The following DOCK9 variants were observed in gnomAD, a reference collection of about 807,000 sequenced individuals.
DOCK9 encodes the protein dedicator of cytokinesis protein 9.
Under a neutral mutation model 263.3 loss-of-function variants are expected in DOCK9, and 89 were observed. The ratio of observed to expected loss-of-function variants is 0.34; its 90% CI spans 0.28 to 0.40. The LOEUF (loss-of-function observed/expected upper bound fraction) is 0.40, where lower values mean the gene tolerates loss of function less well. Ranked by LOEUF, DOCK9 falls within the 10% of genes least tolerant of loss-of-function variation. The pLI, the probability that DOCK9 is intolerant of heterozygous loss-of-function variation, is 1.00. For synonymous variants in DOCK9, 976 were observed against 973.1 expected, an observed-to-expected ratio of 1.00 and a Z score of -0.06; for missense variants, 2,140 against 2,603.4, an observed-to-expected ratio of 0.82 and a Z score of 3.87.
intron 6 of DOCK9, among the ~76,000 whole-genome samples, chr13:98,921,305 C>T (rs2051946568): frequency 6.6e-6 from 1 of 152,170 alleles, no homozygotes; most frequent in Admixed American, 6.5e-5. Flanking sequence ...ATCCATGGGT[C>T]ATTTTTCTCA....
chr13:98,800,495 C>T lies in DOCK9; in HGVS notation c.5726-17G>A, dbSNP rs746563256. The T allele has an allele frequency of 1.9e-6, 3 of 1,607,530 alleles. No homozygotes were observed. The African/African-American group carries it at 4.0e-5, about 21-fold the overall frequency. ...AGTGTATGGCTGCAGAGGGTAAGCC[C>T]CAGAATTACTGCATGGCTTGCACGA... is the stretch of plus-strand genomic sequence containing the variant. On this transcript the variant is annotated splice_polypyrimidine_tract_variant and intron_variant, in intron 49 of 52. Transcript: ENST00000682017.
At chr13:99,059,254 T>A (rs2041072258) in intron 1 of DOCK9, among the ~76,000 whole-genome samples, 1 of 152,204 alleles carries the variant, frequency 6.6e-6, no homozygotes, top group African/African-American at 2.4e-5. Context: ...GAGCTCTGTA[T>A]CAGCTGCCTA....
At chr13:98,807,932 T>C (rs2090909148) in intron 47 of DOCK9, 125 bp from the exon 48 acceptor site, 2 of 734,088 alleles carry the variant, frequency 2.7e-6, no homozygotes, top group African/African-American at 3.5e-5. Flanking sequence ...TGAAATGGGC[T>C]TTCTGAATGA....
chr13:98,889,412 T>C (rs372831554), intron 15 of DOCK9, among the ~76,000 whole-genome samples: 92 of 152,272 alleles, frequency 6.0e-4, no homozygotes, highest in Middle Eastern at 3.4e-3. Flanking sequence ...AAATAAAACA[T>C]ACAATCATCA....
chr13:99,044,986 C>T (rs1290384322), intron 1 of DOCK9, among the ~76,000 whole-genome samples: 7 of 152,274 alleles, frequency 4.6e-5, no homozygotes, highest in South Asian at 2.1e-4. Context: ...GTACCCAAGT[C>T]GACAGACCTT....
chr13:98,926,042 C>A, intron 3 of DOCK9, 123 bp from the exon 4 acceptor site: 2 of 616,280 alleles, frequency 3.2e-6, no homozygotes, highest in Non-Finnish European at 5.4e-6. Context: ...TTCCCATCAA[C>A]GAGCTAATGC....
intron 1 of DOCK9, among the ~76,000 whole-genome samples, chr13:99,080,751 T>C (rs2042091736): frequency 6.6e-6 from 1 of 152,234 alleles, no homozygotes; most frequent in Non-Finnish European, 1.5e-5. Context: ...CTCTGGTCAC[T>C]GAACCACGTT....
At position 98,903,087 on chromosome 13, in the gene DOCK9, G is replaced by A. The variant is rs1258615748; in HGVS notation, c.1061C>T (p.Pro354Leu). Residue 354 changes from proline (P) to leucine (L), a missense_variant, in exon 11 of 53, where the codon CCA (proline) becomes CTA (leucine). Around this residue, in one of 2 missense-constraint regions of DOCK9, gnomAD observed 1,521 missense variants for 1,741.7 expected, o/e 0.87. Transcript: ENST00000682017. ...CTTCTCTTCAAATGACTTCACTTCT[G>A]GCTCAGCTGATGAGAAGTCAAGCTT... is the stretch of plus-strand genomic sequence containing the variant. ...AQKLDFSSAE[P>L]EVKSFEEKFG... The A allele has an allele frequency of 6.6e-7, 1 of 1,521,480 alleles. No individual in the cohort carries two copies. Among genetic ancestry groups the A allele is most frequent in the Non-Finnish European group, 8.8e-7 (1 of 1,137,206 alleles). The allele number at this position is 1,521,480 out of a possible 1,614,324, so 94.2% of individuals were successfully genotyped here. A position where few individuals can be genotyped will look rare whatever the true frequency, so the allele number is the denominator to read the frequency against.
chr13:98,949,874 G>A, intron 2 of DOCK9: 1 of 483,642 alleles, frequency 2.1e-6, no homozygotes, highest in Non-Finnish European at 4.1e-6. Context: ...TCCCTGGGAA[G>A]GCAATTTCAT....
chr13:98,953,646 A>C (rs943284546), intron 2 of DOCK9, among the ~76,000 whole-genome samples: 1 of 152,240 alleles, frequency 6.6e-6, no homozygotes, highest in African/African-American at 2.4e-5. Flanking sequence ...TCCTCAGACA[A>C]CACTACAGGA....
chr13:98,844,024 C>T (rs936738227), intron 38 of DOCK9, among the ~76,000 whole-genome samples: 22 of 152,244 alleles, frequency 1.4e-4, no homozygotes, highest in African/African-American at 5.3e-4. Context: ...GTGAGTTAAC[C>T]TCTGTGTTAT....
intron 2 of DOCK9, among the ~76,000 whole-genome samples, chr13:98,939,316 G>GCC (rs1457491360): frequency 6.6e-6 from 1 of 152,172 alleles, no homozygotes; most frequent in African/African-American, 2.4e-5. Context: ...GAGAGAAGAA[G>GCC]GCCCGGGGTC....
intron 45 of DOCK9, 139 bp from the exon 46 acceptor site, chr13:98,810,430 C>T: frequency 9.4e-7 from 1 of 1,065,604 alleles, no homozygotes; most frequent in Non-Finnish European, 1.3e-6. Flanking sequence ...CTCACTTCCA[C>T]ACTTACAACA....
chr13:99,026,461 G>T (rs753834663), intron 1 of DOCK9, among the ~76,000 whole-genome samples: 3 of 152,180 alleles, frequency 2.0e-5, no homozygotes, highest in Non-Finnish European at 4.4e-5. Context: ...ATGCAGAAGA[G>T]AGGACAGCTA....
At chr13:99,057,326 C>T (rs2040973006) in intron 1 of DOCK9, among the ~76,000 whole-genome samples, 1 of 152,154 alleles carries the variant, frequency 6.6e-6, no homozygotes, top group African/African-American at 2.4e-5. Flanking sequence ...TACGAGTTGA[C>T]ATATTGGGCC....
chr13:99,081,451 C>T (rs2042117197), intron 1 of DOCK9, among the ~76,000 whole-genome samples: 1 of 152,214 alleles, frequency 6.6e-6, no homozygotes, highest in African/African-American at 2.4e-5. Context: ...AGTGGCATCA[C>T]TGGCAAGTGC....
In DOCK9 at chr13:98,829,507, A is replaced by G; in HGVS notation, c.4765T>C (p.Ser1589Pro). The change falls in exon 43 of 53, where the codon TCT (serine) becomes CCT (proline). Residue 1589 changes from serine to proline, a missense_variant. Ser to Pro is a moderately conservative substitution (Grantham distance 74, BLOSUM62 -1). This residue lies in a region of DOCK9 where 619 missense variants were observed against 861.8 expected (regional missense o/e 0.72). Coordinates refer to ENST00000682017, the MANE Select transcript of DOCK9 (RefSeq NM_001366683.2). The surrounding 1 kb of genome is among the most constrained non-coding windows in gnomAD (Gnocchi z 4.1). ...CTTTTGGTTAAGTCCTTCACATCAG[A>G]GGAGAAGCTGGTGTGCTAAAACAAG... ...DRLIKHTSFS[S>P]DVKDLTKRIR... The G allele has an allele frequency of 4.3e-6, 7 of 1,613,268 alleles. No homozygotes were observed. The highest frequency in any genetic ancestry group is 1.3e-5 in the African/African-American group (1 of 75,044).
chr13:99,085,676 T>C (rs2042299676), intron 1 of DOCK9, among the ~76,000 whole-genome samples: 1 of 152,006 alleles, frequency 6.6e-6, no homozygotes, highest in Admixed American at 6.6e-5. Context: ...GATACCGGCT[T>C]GGAGGTGGGG....
intron 9 of DOCK9, among the ~76,000 whole-genome samples, chr13:98,908,656 T>A (rs1158858466): frequency 6.6e-6 from 1 of 152,138 alleles, no homozygotes; most frequent in Non-Finnish European, 1.5e-5. Flanking sequence ...ATATTTTTAT[T>A]AAAAAAACTT....
Sources: gnomAD v4.1 joint callset for allele counts (sites outside exome capture counted in the v4.1 genomes callset) on GRCh38, gnomAD v4.1.1 for gene constraint, gnomAD v4.1.1 regional missense constraint, Gnocchi (gnomAD v3.1) non-coding constraint, MANE v1.5 for transcripts, NCBI Gene and HGNC (gene_info 2026-07-23, HGNC 2026-07-21) for gene names.